The following ASPG variants were observed in gnomAD, a reference collection of about 807,000 sequenced individuals.
The protein encoded by ASPG is 60 kDa lysophospholipase.
In ASPG, 53 loss-of-function variants were observed where a neutral mutation model predicts 63.2. The ratio of observed to expected loss-of-function variants is 0.84; its 90% CI spans 0.67 to 1.05. The LOEUF (loss-of-function observed/expected upper bound fraction) is 1.05, where lower values mean the gene tolerates loss of function less well. Ranked by LOEUF, ASPG falls within the 50% of genes least tolerant of loss-of-function variation. ASPG has a pLI of 0.00. For synonymous variants in ASPG, 370 were observed against 355.0 expected (o/e 1.04, Z -0.48); for missense variants, 741 against 794.4 (o/e 0.93, Z 0.81).
chr14:104,097,735 G>A (rs1218926034), intron 5 of ASPG, 98 bp downstream of exon 5: 15 of 1,108,794 alleles, frequency 1.4e-5, no homozygotes, highest in Admixed American at 1.0e-4. Context: ...CTCCCCAGAC[G>A]CCACTGCCAA....
At chr14:104,108,409 C>T (rs2037238233) in intron 12 of ASPG, 7 of 985,260 alleles carry the variant, frequency 7.1e-6, no homozygotes, top group Admixed American at 6.1e-5. Flanking sequence ...ACCAGGCTCA[C>T]AGCACGCCCC....
In ASPG at chr14:104,103,670, G is replaced by A. The variant is rs766917698; in HGVS notation, c.748G>A (p.Ala250Thr). The A allele has an allele frequency of 6.5e-6, 10 of 1,546,760 alleles. No individual in the cohort carries two copies. The highest frequency in any genetic ancestry group is 3.6e-5 in the South Asian group (3 of 83,916). Residue 250 changes from alanine to threonine, a missense_variant, in exon 7 of 16, where the codon GCC becomes ACC. Ala to Thr is a moderately conservative substitution (Grantham distance 58, BLOSUM62 0). Transcript: ENST00000551177. ...LLRLYPGIPA[A>T]LVRAFLQPPL... ...GCGCCTCTACCCTGGGATCCCTGCC[G>A]CCCTGGTAGGGACCGCCCCGGCCAT...
chr14:104,092,249 C>G (rs917855188), intron 1 of ASPG, among the ~76,000 whole-genome samples: 1 of 152,158 alleles, frequency 6.6e-6, no homozygotes, highest in Non-Finnish European at 1.5e-5. Flanking sequence ...CAGGCAGAGC[C>G]CACAGTATAT....
chr14:104,112,074 G>T, intron 15 of ASPG, 74 bp downstream of exon 15: 2 of 1,405,916 alleles, frequency 1.4e-6, no homozygotes, highest in South Asian at 1.3e-5. Flanking sequence ...TGGCTCGGGG[G>T]GGCGTAATCA....
At chr14:104,108,839 T>C (rs1456183846) in intron 12 of ASPG, 3 of 985,182 alleles carry the variant, frequency 3.0e-6, no homozygotes, top group Middle Eastern at 5.2e-4. Flanking sequence ...GCCGGTCAGC[T>C]CATGTAAGGC....
chr14:104,112,433 G>GGGTT (rs950198496), intron 15 of ASPG, 91 bp from the exon 16 acceptor site: 1 of 802,100 alleles, frequency 1.2e-6, no homozygotes, highest in African/African-American at 1.7e-5. Flanking sequence ...CTCTTGGGCT[G>GGGTT]TGCCGTACAG....
chr14:104,093,500 C>T lies in ASPG; in HGVS notation c.201C>T (p.Ser67=). The T allele has an allele frequency of 6.2e-7, 1 of 1,612,524 alleles. No individual in the cohort carries two copies. The highest frequency in any genetic ancestry group is 8.5e-7 in the Non-Finnish European group (1 of 1,179,728). Residue 67 remains serine (S), a synonymous_variant, in exon 3 of 16, where the codon AGC becomes AGT. Transcript: ENST00000551177. ...TGTTTCTGTCCCGCAGCCCGGCCAG[C>T]CGCAACCAGAGGATTCTCTACACCG... is the stretch of plus-strand genomic sequence containing the variant. ...SEDTLVLPPA[S]RNQRILYTVL...
chr14:104,107,148 CCCTCA>C, intron 11 of ASPG, 29 bp from the exon 12 acceptor site: 1 of 1,532,806 alleles, frequency 6.5e-7, no homozygotes, highest in Non-Finnish European at 8.8e-7. Flanking sequence ...GCCTGGGTCT[CCCTCA>C]GGGGTCGCAT....
At position 104,113,883 on chromosome 14, in the gene ASPG, A is replaced by G. The variant is rs1355945667; in HGVS notation, c.*1339A>G. The G allele has an allele frequency of 2.6e-5, 4 of 152,274 alleles. No individual in the cohort carries two copies. Among genetic ancestry groups the G allele is most frequent in the African/African-American group, 9.7e-5 (4 of 41,448 alleles). The allele number at this position is 152,274 out of a possible 1,614,324, so 9.4% of individuals were successfully genotyped here. ...GGGCTGCAGGTGGAGGGAGGGTGGC[A>G]CCGGGCCCCAGAGCCAGGAGCCCCT... On this transcript the variant is annotated 3_prime_UTR_variant, in exon 16 of 16. Coordinates refer to ENST00000551177, the MANE Select transcript of ASPG (RefSeq NM_001080464.3).
At chr14:104,093,253 G>A (rs1254619697) in intron 2 of ASPG, 1 of 590,070 alleles carries the variant, frequency 1.7e-6, no homozygotes. Context: ...GCTGGTGTGG[G>A]AAGAAGACTG....
intron 7 of ASPG, among the ~76,000 whole-genome samples, chr14:104,103,880 G>A (rs1455687663): frequency 6.6e-6 from 1 of 152,122 alleles, no homozygotes; most frequent in Non-Finnish European, 1.5e-5. Flanking sequence ...GGAGTGGGCA[G>A]GGTTGGGGCG....
At chr14:104,099,559 C>G (rs904005727) in intron 6 of ASPG, among the ~76,000 whole-genome samples, 2 of 152,156 alleles carry the variant, frequency 1.3e-5, no homozygotes, top group Non-Finnish European at 2.9e-5. Flanking sequence ...GTGGCCTGCC[C>G]GGAAGTCACT....
chr14:104,108,827 G>A (rs992288732), intron 12 of ASPG: 2 of 985,422 alleles, frequency 2.0e-6, no homozygotes, highest in East Asian at 2.3e-4. Context: ...GTGTGCAGTG[G>A]GGCCGGTCAG....
At chr14:104,112,471 C>G in intron 15 of ASPG, 53 bp from the exon 16 acceptor site, 1 of 1,037,116 alleles carries the variant, frequency 9.6e-7, no homozygotes, top group South Asian at 1.3e-5. Context: ...GTCTCTCTGC[C>G]CTGCCTTCGC....
rs908571628 is a variant in ASPG at position 104,110,441 on chromosome 14, T to C, written c.1521-1061T>C. 1 of 985,204 alleles carries C rather than the reference T, an allele frequency of 1.0e-6. No homozygotes were observed. Among genetic ancestry groups the C allele is most frequent in the African/African-American group, 1.7e-5 (1 of 57,204 alleles). The allele number at this position is 985,204 out of a possible 1,614,324, so 61.0% of individuals were successfully genotyped here. ...TGGCTCCATTGACAGATGGGGAAAC[T>C]GAGGCAGTAGTCAGGTCCTGTGGGA... On this transcript the variant is annotated intron_variant, in intron 13 of 15. Transcript: ENST00000551177. This position sits in a 1 kb window ranked among gnomAD's most constrained non-coding sequence, Gnocchi z 4.7.
chr14:104,105,940 A>T (rs1290259631), intron 10 of ASPG, among the ~76,000 whole-genome samples: 1 of 152,204 alleles, frequency 6.6e-6, no homozygotes, highest in Non-Finnish European at 1.5e-5. Context: ...TGGACCCCGC[A>T]ACATGCCCCC....
Position 104,091,357 on chromosome 14 carries a change from C to T in ASPG, c.83-1276C>T, listed in dbSNP as rs899609431. Among the ~76,000 whole-genome samples, 11 of 152,112 alleles carry T rather than the reference C, an allele frequency of 7.2e-5. No homozygotes were observed. The highest frequency in any genetic ancestry group is 2.4e-4 in the African/African-American group (10 of 41,412). On this transcript the variant is annotated intron_variant, in intron 1 of 15. Transcript: ENST00000551177. The surrounding 1 kb of genome is among the most constrained non-coding windows in gnomAD (Gnocchi z 6.4). ...TGTCCTGGCTGTGCTCTGGGCGCCT[C>T]GGAGGGCAGACGGGCAGACAAACAT... is the stretch of plus-strand genomic sequence containing the variant.
In ASPG at chr14:104,110,085, G is replaced by A. The variant is rs995190487; in HGVS notation, c.1520+770G>A. ...TGGCGCTGCCTCCTGTGCCCAGCCT[G>A]GGCTGCCCGAGGCCAGGACGACTCC... On this transcript the variant is annotated intron_variant, in intron 13 of 15. Coordinates refer to ENST00000551177, the MANE Select transcript of ASPG (RefSeq NM_001080464.3). The surrounding 1 kb of genome is among the most constrained non-coding windows in gnomAD (Gnocchi z 4.7). 24 of 985,222 alleles carry A rather than the reference G, an allele frequency of 2.4e-5. No individual in the cohort carries two copies. The highest frequency in any genetic ancestry group is 2.9e-5 in the Non-Finnish European group (24 of 829,884). The allele number at this position is 985,222 out of a possible 1,614,324, so 61.0% of individuals were successfully genotyped here. A position where few individuals can be genotyped will look rare whatever the true frequency, so the allele number is the denominator to read the frequency against.
In ASPG at chr14:104,109,554, C is replaced by T. The variant is rs1466386633; in HGVS notation, c.1520+239C>T. Among the ~76,000 whole-genome samples the T allele has an allele frequency of 6.6e-6, 1 of 151,630 alleles. No individual in the cohort carries two copies. The highest frequency in any genetic ancestry group is 1.9e-4 in the East Asian group (1 of 5,160). On this transcript the variant is annotated intron_variant, in intron 13 of 15. Coordinates refer to ENST00000551177, the MANE Select transcript of ASPG (RefSeq NM_001080464.3). This position sits in a 1 kb window ranked among gnomAD's most constrained non-coding sequence, Gnocchi z 4.8. Reference sequence around the variant, plus strand: ...AGCGAACAGTCCAGCAAGGGTGTCTCTGTGTGCACATGTGTGCATGTGTGT... The same window carrying T: ...AGCGAACAGTCCAGCAAGGGTGTCTTTGTGTGCACATGTGTGCATGTGTGT...
Sources: allele counts gnomAD v4.1 joint callset (sites outside exome capture counted in the v4.1 genomes callset), GRCh38; gene constraint gnomAD v4.1.1; non-coding constraint Gnocchi (gnomAD v3.1); transcripts MANE v1.5; gene names NCBI Gene and HGNC (gene_info 2026-07-23, HGNC 2026-07-21).